Variants in ZBTB20 observed in about 807,000 individuals in gnomAD.
ZBTB20 encodes the protein zinc finger and BTB domain containing 20, also known as zinc finger and BTB domain-containing protein 20.
A neutral mutation model predicts 56.9 loss-of-function variants in ZBTB20; 9 were observed. That is an observed-to-expected ratio of 0.16 (90% CI 0.10 to 0.28). The LOEUF (loss-of-function observed/expected upper bound fraction) is 0.28, where lower values mean the gene tolerates loss of function less well. Among genes scored for constraint, ZBTB20 ranks in the 10% least tolerant of loss-of-function variants. ZBTB20 has a pLI of 1.00. For missense variants in ZBTB20, 655 were observed against 1,003.0 expected (o/e 0.65, Z 4.69); for synonymous variants, 417 against 420.7 (o/e 0.99, Z 0.11).
chr3:114,989,338 G>C (rs1345922736), intron 2 of ZBTB20, among the ~76,000 whole-genome samples: 2 of 152,230 alleles, frequency 1.3e-5, no homozygotes, highest in East Asian at 3.9e-4. Context: ...AGTTTTCCCA[G>C]CACCATTTAT....
intron 3 of ZBTB20, among the ~76,000 whole-genome samples, chr3:114,954,814 A>G (rs1045073040): frequency 1.3e-5 from 2 of 152,212 alleles, no homozygotes; most frequent in African/African-American, 4.8e-5. Context: ...TCAGGGGAAC[A>G]TAAAACTTCA....
At chr3:114,366,094 T>G (rs2108381415) in intron 10 of ZBTB20, among the ~76,000 whole-genome samples, 1 of 152,364 alleles carries the variant, frequency 6.6e-6, no homozygotes, top group Non-Finnish European at 1.5e-5. Context: ...AGCACTTTGC[T>G]GGGTGCTAGG....
intron 1 of ZBTB20, among the ~76,000 whole-genome samples, chr3:115,131,022 A>G (rs1480724561): frequency 4.6e-5 from 7 of 152,156 alleles, no homozygotes; most frequent in African/African-American, 1.4e-4. Context: ...CGGCCTCCCA[A>G]AGTTCTGGGA....
At chr3:114,559,777 G>C (rs2051769823) in intron 6 of ZBTB20, among the ~76,000 whole-genome samples, 1 of 152,140 alleles carries the variant, frequency 6.6e-6, no homozygotes, top group South Asian at 2.1e-4. Context: ...TCTGGGGAAT[G>C]GTGGGCCTCA....
chr3:114,910,305 G>GCA (rs62885462), intron 3 of ZBTB20, among the ~76,000 whole-genome samples: 7,315 of 146,238 alleles, frequency 0.05, 472 homozygotes, highest in African/African-American at 0.16. Flanking sequence ...ATGCACGCGT[G>GCA]CACACACACA....
rs148263699 is a variant in ZBTB20, at chr3:114,491,954, A to G, written c.-255+8398T>C. On this transcript the variant is annotated intron_variant, in intron 7 of 11. Coordinates refer to ENST00000675478, the MANE Select transcript of ZBTB20 (RefSeq NM_001348800.3). ...AGCTCAAAATTAATATAAGCAATAT[A>G]TATTTGTTAGTCTTTAACCTACTTG... 3.9e-5 allele frequency among the ~76,000 whole-genome samples: 6 copies of G among 152,296 alleles called. No individual in the cohort carries two copies. In the East Asian group the frequency reaches 5.8e-4, roughly 15 times the overall value.
At chr3:115,096,589 TC>T (rs1168835553) in intron 1 of ZBTB20, among the ~76,000 whole-genome samples, 3 of 152,208 alleles carry the variant, frequency 2.0e-5, no homozygotes, top group Non-Finnish European at 4.4e-5. Context: ...CACCAGTCAT[TC>T]TTTTGCCAGA....
chr3:114,401,449 T>G (rs1446675992), intron 7 of ZBTB20, among the ~76,000 whole-genome samples: 4 of 152,142 alleles, frequency 2.6e-5, no homozygotes, highest in African/African-American at 9.6e-5. Flanking sequence ...GCTTCAACTT[T>G]CAAAGGATTT....
intron 3 of ZBTB20, among the ~76,000 whole-genome samples, chr3:114,912,239 C>T (rs559660551): frequency 6.7e-6 from 1 of 149,878 alleles, no homozygotes; most frequent in South Asian, 2.1e-4. Flanking sequence ...TGAGGGAGGT[C>T]ATCACAAGAC....
At chr3:114,523,627 G>C (rs1013712011) in intron 6 of ZBTB20, among the ~76,000 whole-genome samples, 11 of 152,136 alleles carry the variant, frequency 7.2e-5, no homozygotes, top group African/African-American at 2.7e-4. Flanking sequence ...CTGAGCCAAG[G>C]GTACACAGAG....
At chr3:114,582,527 G>A (rs1306214438) in intron 6 of ZBTB20, among the ~76,000 whole-genome samples, 1 of 151,888 alleles carries the variant, frequency 6.6e-6, no homozygotes, top group South Asian at 2.1e-4. Context: ...TTACAGGCAC[G>A]TGCCATCATG....
rs2079137701 is a variant in ZBTB20, at chr3:114,328,676, C to T, written c.*10329G>A. 1 of 152,156 alleles carries T rather than the reference C, an allele frequency of 6.6e-6. No individual in the cohort carries two copies. The highest frequency in any genetic ancestry group is 1.5e-5 in the Non-Finnish European group (1 of 68,018). The allele number at this position is 152,156 out of a possible 1,614,324, so 9.4% of individuals were successfully genotyped here. On this transcript the variant is annotated 3_prime_UTR_variant, in exon 12 of 12. Coordinates refer to ENST00000675478, the MANE Select transcript of ZBTB20 (RefSeq NM_001348800.3). ...GAAGCTAAAATGAAGACATGCTTCA[C>T]TCTGCCTACGAGTCTCAAGTTTATG...
chr3:114,732,046 G>A (rs1009548382), intron 5 of ZBTB20, among the ~76,000 whole-genome samples: 1 of 152,098 alleles, frequency 6.6e-6, no homozygotes, highest in Admixed American at 6.6e-5. Context: ...CCATTCTATT[G>A]TCTAGCAAGC....
chr3:114,521,005 T>A (rs546832274), intron 6 of ZBTB20, among the ~76,000 whole-genome samples: 2 of 152,168 alleles, frequency 1.3e-5, no homozygotes, highest in Non-Finnish European at 2.9e-5. Context: ...CTTTTTTGAA[T>A]AGAAAGCAAT....
intron 6 of ZBTB20, among the ~76,000 whole-genome samples, chr3:114,646,361 T>G (rs186010334): frequency 6.6e-6 from 1 of 151,940 alleles, no homozygotes; most frequent in Admixed American, 6.6e-5. Flanking sequence ...GTAGGTAGAG[T>G]TTGTATTTGG....
chr3:114,555,999 CT>C (rs2051169840), intron 6 of ZBTB20, among the ~76,000 whole-genome samples: 2 of 152,074 alleles, frequency 1.3e-5, no homozygotes, highest in Non-Finnish European at 1.5e-5. Flanking sequence ...TTGCCTTCCA[CT>C]TTTTTGCCTT....
chr3:114,770,840 T>C lies in ZBTB20; in HGVS notation c.-343+30261A>G, dbSNP rs144678354. On this transcript the variant is annotated intron_variant, in intron 5 of 11. Coordinates refer to ENST00000675478, the MANE Select transcript of ZBTB20 (RefSeq NM_001348800.3). ...CGGATTTTGGAATATTTGCATTATA[T>C]ACTTACCAGTTGAGTACCCCTAATC... is the stretch of plus-strand genomic sequence containing the variant. Among the ~76,000 whole-genome samples, 1,199 of 152,332 alleles carry C rather than the reference T, an allele frequency of 7.9e-3. 8 individuals are homozygous for C. The highest frequency in any genetic ancestry group is 0.014 in the Non-Finnish European group (939 of 68,030).
intron 3 of ZBTB20, among the ~76,000 whole-genome samples, chr3:114,919,309 A>T (rs1268311186): frequency 2.6e-5 from 4 of 152,182 alleles, no homozygotes; most frequent in African/African-American, 9.7e-5. Context: ...CAAGGTGACC[A>T]CAGGAAAAAA....
At position 115,062,452 on chromosome 3, in the gene ZBTB20, C is replaced by T. The variant is rs1197130665; in HGVS notation, c.-507+8767G>A. On this transcript the variant is annotated intron_variant, in intron 2 of 11. Coordinates refer to ENST00000675478, the MANE Select transcript of ZBTB20 (RefSeq NM_001348800.3). Reference sequence around the variant, plus strand: ...AAAGAAAAATTCAAGGAGAAATATCCCCCCTTTCTATCTTGGTCTCTGCCT... The same window carrying T: ...AAAGAAAAATTCAAGGAGAAATATCTCCCCTTTCTATCTTGGTCTCTGCCT... Among the ~76,000 whole-genome samples the T allele has an allele frequency of 3.9e-5, 6 of 152,138 alleles. No homozygotes were observed. In the South Asian group the frequency reaches 1.0e-3, roughly 26 times the overall value.
Sources: allele counts gnomAD v4.1 joint callset (sites outside exome capture counted in the v4.1 genomes callset), GRCh38; gene constraint gnomAD v4.1.1; transcripts MANE v1.5; gene names NCBI Gene and HGNC (gene_info 2026-07-23, HGNC 2026-07-21).